The following TUBAL3 variants were observed in gnomAD, a reference collection of about 807,000 sequenced individuals.
The protein encoded by TUBAL3 is tubulin alpha chain-like 3.
Under a neutral mutation model 15.5 loss-of-function variants are expected in TUBAL3, and 16 were observed. The observed-to-expected ratio is 1.04, with a 90% CI of 0.70 to 1.57. The LOEUF (loss-of-function observed/expected upper bound fraction) is 1.57. Ranked by LOEUF, TUBAL3 falls within the 40% of genes most tolerant of loss-of-function variation. The probability of loss-of-function intolerance (pLI) is 0.00; values close to 1 mark genes in which losing one functional copy is unlikely to be tolerated. For synonymous variants in TUBAL3, 238 were observed against 224.3 expected (o/e 1.06, Z -0.55); for missense variants, 609 against 576.2 (o/e 1.06, Z -0.58).
At position 5,394,542 on chromosome 10, in the gene TUBAL3, C is replaced by T. The variant is rs1554813915; in HGVS notation, c.397-81G>A. 1.5e-6 allele frequency: 2 copies of T among 1,311,324 alleles called. No homozygotes were observed. The highest frequency in any genetic ancestry group is 2.9e-5 in the African/African-American group (2 of 67,900). The allele number at this position is 1,311,324 out of a possible 1,614,324, so 81.2% of individuals were successfully genotyped here. On this transcript the variant is annotated intron_variant, in intron 3 of 3. Transcript: ENST00000380419. This position sits in a 1 kb window ranked among gnomAD's most constrained non-coding sequence, Gnocchi z 4.3. ...ATTGGACAGTAGTGGCAGGATACAA[C>T]AGGTTTCCCCAAAACAAAATCTTTC...
In TUBAL3 at chr10:5,395,880, C is replaced by T. The variant is rs1014131275; in HGVS notation, c.248-405G>A. Reference sequence around the variant, plus strand: ...AAACATCTCTCCTGGCACCGGGTGACTTACAATTCTTAGCTCTCCTTGGCT... The same window carrying T: ...AAACATCTCTCCTGGCACCGGGTGATTTACAATTCTTAGCTCTCCTTGGCT... On this transcript the variant is annotated intron_variant, in intron 2 of 3. Transcript: ENST00000380419. This position sits in a 1 kb window ranked among gnomAD's most constrained non-coding sequence, Gnocchi z 4.6. 6.6e-6 allele frequency among the ~76,000 whole-genome samples: 1 copy of T among 152,130 alleles called. No individual in the cohort carries two copies. Among genetic ancestry groups the T allele is most frequent in the Non-Finnish European group, 1.5e-5 (1 of 68,006 alleles).
Position 5,393,979 on chromosome 10 carries a change from G to C in TUBAL3, c.879C>G (p.Phe293Leu). The change falls in exon 4 of 4, where the codon TTC (phenylalanine) becomes TTG (leucine). Residue 293 changes from phenylalanine to leucine, a missense_variant. Coordinates refer to ENST00000380419, the MANE Select transcript of TUBAL3 (RefSeq NM_024803.3). ...AGGCAGTGGTGATGTCTGACACAGAGAACTGCTCATGGTAGGCTTTGTCAG... is the reference window on the plus strand; with the variant it reads ...AGGCAGTGGTGATGTCTGACACAGACAACTGCTCATGGTAGGCTTTGTCAG... ...VSADKAYHEQ[F>L]SVSDITTACF... 1 of 1,614,218 alleles carries C rather than the reference G, an allele frequency of 6.2e-7. No individual in the cohort carries two copies. Among genetic ancestry groups the C allele is most frequent in the Non-Finnish European group, 8.5e-7 (1 of 1,180,040 alleles).
At chr10:5,402,756 C>T (rs1831876355) in intron 1 of TUBAL3, among the ~76,000 whole-genome samples, 1 of 152,256 alleles carries the variant, frequency 6.6e-6, no homozygotes, top group African/African-American at 2.4e-5. Context: ...CTATTGTGAA[C>T]TGCGCATGCA....
At chr10:5,403,626 G>T (rs1166626384) in intron 1 of TUBAL3, among the ~76,000 whole-genome samples, 1 of 151,866 alleles carries the variant, frequency 6.6e-6, no homozygotes, top group Non-Finnish European at 1.5e-5. Context: ...TTTGAAATCA[G>T]CACGAATAGC....
chr10:5,401,208 G>A, intron 1 of TUBAL3, 121 bp from the exon 2 acceptor site: 1 of 1,218,966 alleles, frequency 8.2e-7, no homozygotes, highest in Non-Finnish European at 1.1e-6. Flanking sequence ...GGAGGAATGT[G>A]TTATAAGGAT....
chr10:5,402,858 C>T (rs183584096), intron 1 of TUBAL3, among the ~76,000 whole-genome samples: 1 of 152,320 alleles, frequency 6.6e-6, no homozygotes, highest in Admixed American at 6.5e-5. Flanking sequence ...TCCCCACTGC[C>T]GACTCCATGG....
chr10:5,400,723 C>T, intron 2 of TUBAL3, 121 bp downstream of exon 2: 2 of 1,264,440 alleles, frequency 1.6e-6, no homozygotes, highest in Non-Finnish European at 2.2e-6. Flanking sequence ...TAAGCCTCTA[C>T]ATTTGGGAAA....
In TUBAL3 at chr10:5,397,023, CAA is replaced by C. The variant is rs1831775430; in HGVS notation, c.248-1550_248-1549del. ...TGAGCTGTTACGAGAACATAGGGCA[CAA>C]CGCACGGCCCATATAACAACAGCAA... On this transcript the variant is annotated intron_variant, in intron 2 of 3. Transcript: ENST00000380419. The surrounding 1 kb of genome is among the most constrained non-coding windows in gnomAD (Gnocchi z 4.9). 6.6e-6 allele frequency among the ~76,000 whole-genome samples: 1 copy of C among 152,156 alleles called. No homozygotes were observed. The highest frequency in any genetic ancestry group is 2.4e-5 in the African/African-American group (1 of 41,416).
At chr10:5,401,819 T>C (rs1219924658) in intron 1 of TUBAL3, among the ~76,000 whole-genome samples, 3 of 151,656 alleles carry the variant, frequency 2.0e-5, no homozygotes, top group Admixed American at 6.6e-5. Context: ...AAAGAAAGAC[T>C]CTAAAATGCA....
chr10:5,402,073 T>C (rs924255543), intron 1 of TUBAL3, among the ~76,000 whole-genome samples: 1 of 152,168 alleles, frequency 6.6e-6, no homozygotes, highest in Admixed American at 6.5e-5. Flanking sequence ...TAGAGTATGA[T>C]GTCCAATATG....
chr10:5,395,596 C>T lies in TUBAL3; in HGVS notation c.248-121G>A. ...CCATGCTTTCTCTCAATATTGTGGT[C>T]CAGGAATGGAATTTAGATAGTGCTG... On this transcript the variant is annotated intron_variant, in intron 2 of 3. Coordinates refer to ENST00000380419, the MANE Select transcript of TUBAL3 (RefSeq NM_024803.3). The surrounding 1 kb of genome is among the most constrained non-coding windows in gnomAD (Gnocchi z 4.6). 8.8e-7 allele frequency: 1 copy of T among 1,137,266 alleles called. No homozygotes were observed. The highest frequency in any genetic ancestry group is 3.1e-5 in the Admixed American group (1 of 32,540). The allele number at this position is 1,137,266 out of a possible 1,614,324, so 70.4% of individuals were successfully genotyped here.
rs1831787089 is a variant in TUBAL3, at chr10:5,397,841, T to G, written c.248-2366A>C. ...CACAACTTCCTCACTTTGCCCTAAC[T>G]TCACCCTTGAGCCTGCCCCAGACCA... On this transcript the variant is annotated intron_variant, in intron 2 of 3. Transcript: ENST00000380419. The surrounding 1 kb of genome is among the most constrained non-coding windows in gnomAD (Gnocchi z 4.9). Among the ~76,000 whole-genome samples the G allele has an allele frequency of 6.6e-6, 1 of 152,198 alleles. No homozygotes were observed. Among genetic ancestry groups the G allele is most frequent in the African/African-American group, 2.4e-5 (1 of 41,456 alleles).
In TUBAL3 at chr10:5,393,604, T is replaced by C; in HGVS notation, c.1254A>G (p.Glu418=). Residue 418 remains glutamate, a synonymous_variant, in exon 4 of 4, where the codon GAA becomes GAG. Transcript: ENST00000380419. ...CCAAGAACTCTGCTTCTTCCATGCC[T>C]TCTCTGAGGTACCAGTGCAGAAATG... ...KRAFLHWYLR[E]GMEEAEFLEA... The C allele has an allele frequency of 6.2e-7, 1 of 1,614,200 alleles. No individual in the cohort carries two copies. Among genetic ancestry groups the C allele is most frequent in the Non-Finnish European group, 8.5e-7 (1 of 1,180,040 alleles).
chr10:5,401,103 G>A lies in TUBAL3; in HGVS notation c.4-16C>T, dbSNP rs1831845507. On this transcript the variant is annotated splice_polypyrimidine_tract_variant and intron_variant, in intron 1 of 3. Coordinates refer to ENST00000380419, the MANE Select transcript of TUBAL3 (RefSeq NM_024803.3). ...GGCACTCCCTCTAAAATAAGTCATG[G>A]TGAGTTGGAACTGAGCAGGTGTTTA... is the stretch of plus-strand genomic sequence containing the variant. The A allele has an allele frequency of 1.2e-6, 2 of 1,613,420 alleles. No homozygotes were observed. Among genetic ancestry groups the A allele is most frequent in the Non-Finnish European group, 8.5e-7 (1 of 1,179,874 alleles).
rs983008647 is a variant in TUBAL3 at position 5,394,985 on chromosome 10, T to G, written c.396+342A>C. Reference sequence around the variant, plus strand: ...GTGCCTCTTGCTAACTTCATAAACATCAGTTACTCTTGGAAAATGACAGGT... The same window carrying G: ...GTGCCTCTTGCTAACTTCATAAACAGCAGTTACTCTTGGAAAATGACAGGT... On this transcript the variant is annotated intron_variant, in intron 3 of 3. Transcript: ENST00000380419. This position sits in a 1 kb window ranked among gnomAD's most constrained non-coding sequence, Gnocchi z 4.3. 3.3e-5 allele frequency among the ~76,000 whole-genome samples: 5 copies of G among 152,098 alleles called. No homozygotes were observed. The highest frequency in any genetic ancestry group is 2.6e-4 in the Admixed American group (4 of 15,274).
chr10:5,400,033 T>TAA (rs1831825796), intron 2 of TUBAL3, among the ~76,000 whole-genome samples: 1 of 152,230 alleles, frequency 6.6e-6, no homozygotes, highest in Non-Finnish European at 1.5e-5. Context: ...AAGAGCCCCT[T>TAA]CTCTCTCCTT....
chr10:5,394,056 G>C lies in TUBAL3; in HGVS notation c.802C>G (p.Pro268Ala). 2 of 1,614,218 alleles carry C rather than the reference G, an allele frequency of 1.2e-6. No homozygotes were observed. Among genetic ancestry groups the C allele is most frequent in the African/African-American group, 1.3e-5 (1 of 75,054 alleles). Residue 268 changes from proline to alanine, a missense_variant, in exon 4 of 4, where the codon CCT becomes GCT. Coordinates refer to ENST00000380419, the MANE Select transcript of TUBAL3 (RefSeq NM_024803.3). The surrounding 1 kb of genome is among the most constrained non-coding windows in gnomAD (Gnocchi z 4.3). ...DLIEFQTNLV[P>A]YPRIHFPMTA... ...ATGGGGAAATGTATTCTCGGATAAG[G>C]TACCAGGTTGGTCTGGAATTCAATT... is the stretch of plus-strand genomic sequence containing the variant.
At chr10:5,402,404 T>C (rs1831868681) in intron 1 of TUBAL3, among the ~76,000 whole-genome samples, 1 of 152,250 alleles carries the variant, frequency 6.6e-6, no homozygotes, top group South Asian at 2.1e-4. Context: ...CAAATCTATT[T>C]AGAGGGTCTT....
At chr10:5,401,540 G>A (rs1831851604) in intron 1 of TUBAL3, among the ~76,000 whole-genome samples, 2 of 151,840 alleles carry the variant, frequency 1.3e-5, no homozygotes, top group African/African-American at 4.8e-5. Context: ...TCAATATATA[G>A]CCTTGTCAAG....
Sources: allele counts gnomAD v4.1 joint callset (sites outside exome capture counted in the v4.1 genomes callset), GRCh38; gene constraint gnomAD v4.1.1; non-coding constraint Gnocchi (gnomAD v3.1); transcripts MANE v1.5; gene names NCBI Gene and HGNC (gene_info 2026-07-23, HGNC 2026-07-21).